The following MRM3 variants were observed in gnomAD, a reference collection of about 807,000 sequenced individuals.
MRM3 encodes the protein rRNA methyltransferase 3, mitochondrial.
Under a neutral mutation model 29.4 loss-of-function variants are expected in MRM3, and 26 were observed. The observed-to-expected ratio is 0.89, with a 90% CI of 0.65 to 1.23. The LOEUF (loss-of-function observed/expected upper bound fraction) is 1.23, where lower values mean the gene tolerates loss of function less well. Among genes scored for constraint, MRM3 ranks in the 50% most tolerant of loss-of-function variants. The probability of loss-of-function intolerance (pLI) is 0.00; values close to 1 mark genes in which losing one functional copy is unlikely to be tolerated. For synonymous variants in MRM3, 225 were observed against 219.0 expected (o/e 1.03, Z -0.24); for missense variants, 578 against 540.2 (o/e 1.07, Z -0.69).
At position 782,694 on chromosome 17, in the gene MRM3, T is replaced by G. The variant is rs772776020; in HGVS notation, c.314+2T>G. On this transcript the variant is annotated splice_donor_variant, in intron 1 of 3. Transcript: ENST00000304478. LOFTEE classifies it high-confidence loss of function. ...TTATCCCGGGGACAGGAGGCTGAGG[T>G]GATGTGGTTCTTGAGCCTGTCGAAT... 1 of 1,595,128 alleles carries G rather than the reference T, an allele frequency of 6.3e-7. No homozygotes were observed. Among genetic ancestry groups the G allele is most frequent in the Non-Finnish European group, 8.6e-7 (1 of 1,166,598 alleles).
intron 3 of MRM3, chr17:789,658 A>G (rs2144527236): frequency 6.6e-6 from 1 of 152,282 alleles, no homozygotes; most frequent in South Asian, 2.1e-4. Flanking sequence ...TTGCTAGAAT[A>G]CGTTTCTGTG....
At chr17:789,076 C>T (rs1910675790) in intron 3 of MRM3, among the ~76,000 whole-genome samples, 1 of 152,194 alleles carries the variant, frequency 6.6e-6, no homozygotes. Flanking sequence ...CCTCCTGCCT[C>T]GGCCTGTCAA....
rs1443455400 is a variant in MRM3, at chr17:787,884, C to G, written c.560-81C>G. ...TATTTTTATGTAACTAAGACCATAT[C>G]AAGATTGATAAGTAAATGAAAAGTC... On this transcript the variant is annotated intron_variant, in intron 2 of 3. Coordinates refer to ENST00000304478, the MANE Select transcript of MRM3 (RefSeq NM_018146.4). The surrounding 1 kb of genome is among the most constrained non-coding windows in gnomAD (Gnocchi z 4.1). 1.5e-6 allele frequency: 2 copies of G among 1,363,118 alleles called. No individual in the cohort carries two copies. The highest frequency in any genetic ancestry group is 2.9e-5 in the African/African-American group (2 of 69,526). The allele number at this position is 1,363,118 out of a possible 1,614,324, so 84.4% of individuals were successfully genotyped here.
At chr17:788,722 C>T (rs1280875493) in intron 3 of MRM3, among the ~76,000 whole-genome samples, 1 of 151,266 alleles carries the variant, frequency 6.6e-6, no homozygotes, top group African/African-American at 2.4e-5. Context: ...GCTGGAATGA[C>T]AGGCATGAAT....
chr17:783,043 T>G (rs1193910633), intron 1 of MRM3, 40 bp from the exon 2 acceptor site: 2 of 1,552,672 alleles, frequency 1.3e-6, no homozygotes, highest in African/African-American at 3.2e-5. Flanking sequence ...AACAAGGATG[T>G]TGATAGTTAC....
At position 788,140 on chromosome 17, in the gene MRM3, C is replaced by T. The variant is rs1910626885; in HGVS notation, c.727+8C>T. The T allele has an allele frequency of 1.2e-6, 2 of 1,613,772 alleles. No individual in the cohort carries two copies. Among genetic ancestry groups the T allele is most frequent in the South Asian group, 2.2e-5 (2 of 91,066 alleles). On this transcript the variant is annotated splice_region_variant and intron_variant, in intron 3 of 3. Coordinates refer to ENST00000304478, the MANE Select transcript of MRM3 (RefSeq NM_018146.4). The stretch of plus-strand genomic sequence containing the variant: ...AAGTGTTACTCACCAAAGGTAAGGA[C>T]ATCAAAGGCCAGGCATAGTGGCTCA...
intron 3 of MRM3, among the ~76,000 whole-genome samples, chr17:791,044 C>T (rs985228974): frequency 1.3e-5 from 2 of 152,216 alleles, no homozygotes; most frequent in Admixed American, 6.5e-5. Context: ...GCTTGCAGTC[C>T]TTAGGCTGCG....
Position 782,962 on chromosome 17 carries a change from A to G in MRM3, c.315-121A>G, listed in dbSNP as rs533521168. ...CTCGGCCTCCCAATGTGCTGGGATT[A>G]CAGGCGTGAGCCACCGCGCCCGGCC... On this transcript the variant is annotated intron_variant, in intron 1 of 3. Transcript: ENST00000304478. 3 of 1,385,086 alleles carry G rather than the reference A, an allele frequency of 2.2e-6. No individual in the cohort carries two copies. In the Admixed American group the frequency reaches 6.9e-5, roughly 32 times the overall value. The allele number at this position is 1,385,086 out of a possible 1,614,324, so 85.8% of individuals were successfully genotyped here. A position where few individuals can be genotyped will look rare whatever the true frequency, so the allele number is the denominator to read the frequency against.
chr17:786,735 T>C (rs1262895761), intron 2 of MRM3, among the ~76,000 whole-genome samples: 1 of 152,152 alleles, frequency 6.6e-6, no homozygotes, highest in African/African-American at 2.4e-5. Context: ...GAGTTCCTGA[T>C]GTGAATAAAC....
At position 792,012 on chromosome 17, in the gene MRM3, GAA is replaced by G; in HGVS notation, c.1209_1210del (p.Arg404ThrfsTer22). Reference sequence around the variant, plus strand: ...CGGCAAGCATCCTGCTTTTCGAAGGGAAAAGACAGCTGCGGGGGAGGGCGGAG... The same window carrying G: ...CGGCAAGCATCCTGCTTTTCGAAGGGAAGACAGCTGCGGGGGAGGGCGGAG... ...MAASILLFEGKRQLRGRAEDL... is the reference protein window; with the variant it reads ...MAASILLFEGXRQLRGRAEDL... On this transcript the variant is annotated frameshift_variant, in exon 4 of 4. Coordinates refer to ENST00000304478, the MANE Select transcript of MRM3 (RefSeq NM_018146.4). LOFTEE classifies it high-confidence loss of function. The G allele has an allele frequency of 6.2e-7, 1 of 1,613,788 alleles. No homozygotes were observed. Among genetic ancestry groups the G allele is most frequent in the Non-Finnish European group, 8.5e-7 (1 of 1,179,986 alleles).
At position 783,099 on chromosome 17, in the gene MRM3, G is replaced by T. The variant is rs1461579890; in HGVS notation, c.331G>T (p.Val111Leu). Reference sequence around the variant, plus strand: ...CATCTACAGCAGTGTAATGACAATAGTAAAGTCCAGGCCATTTCGGGAAAA... The same window carrying T: ...CATCTACAGCAGTGTAATGACAATATTAAAGTCCAGGCCATTTCGGGAAAA... ...DRRLSSVMTI[V>L]KSRPFREKQG... Residue 111 changes from valine to leucine, a missense_variant, in exon 2 of 4, where the codon GTA becomes TTA. By Grantham distance (32) the Val-to-Leu change is conservative. Transcript: ENST00000304478. 2 of 1,612,898 alleles carry T rather than the reference G, an allele frequency of 1.2e-6. No homozygotes were observed.
chr17:785,618 T>C (rs1910495800), intron 2 of MRM3, among the ~76,000 whole-genome samples: 2 of 152,238 alleles, frequency 1.3e-5, no homozygotes, highest in African/African-American at 4.8e-5. Context: ...GCGTGAGGCC[T>C]TGGAAGTGAC....
At chr17:788,303 C>T in intron 3 of MRM3, 171 bp downstream of exon 3, 1 of 609,968 alleles carries the variant, frequency 1.6e-6, no homozygotes, top group Non-Finnish European at 2.8e-6. Context: ...TGGGGTGTGC[C>T]TGTACTCAGT....
At chr17:789,125 A>G (rs1331326297) in intron 3 of MRM3, among the ~76,000 whole-genome samples, 1 of 152,198 alleles carries the variant, frequency 6.6e-6, no homozygotes, top group Non-Finnish European at 1.5e-5. Flanking sequence ...ATACCCAGCC[A>G]TGTTTATTAT....
intron 2 of MRM3, among the ~76,000 whole-genome samples, chr17:786,496 T>C (rs1910541404): frequency 6.6e-6 from 1 of 152,120 alleles, no homozygotes; most frequent in South Asian, 2.1e-4. Context: ...AGGATGATCT[T>C]GATCTCCTAA....
At position 783,219 on chromosome 17, in the gene MRM3, T is replaced by C; in HGVS notation, c.451T>C (p.Tyr151His). The change falls in exon 2 of 4, where the codon TAC becomes CAC. Residue 151 changes from tyrosine to histidine, a missense_variant. Transcript: ENST00000304478. ...PKMFFFSRLE[Y>H]LKELPVDKLK... ...AATGTTCTTCTTTAGCCGTCTAGAA[T>C]ACCTAAAGGAGTTGCCAGTCGATAA... 1 of 1,614,178 alleles carries C rather than the reference T, an allele frequency of 6.2e-7. No homozygotes were observed. The highest frequency in any genetic ancestry group is 8.5e-7 in the Non-Finnish European group (1 of 1,180,020).
intron 3 of MRM3, chr17:790,272 C>T (rs1597597937): frequency 6.6e-6 from 1 of 152,534 alleles, no homozygotes; most frequent in Non-Finnish European, 1.5e-5. Context: ...CCGGGGTTGC[C>T]TCTTGCCTCA....
At chr17:786,249 C>T (rs1016819035) in intron 2 of MRM3, among the ~76,000 whole-genome samples, 8 of 152,074 alleles carry the variant, frequency 5.3e-5, no homozygotes, top group South Asian at 4.2e-4. Context: ...TACAGGCATG[C>T]GCCACCATGC....
rs781324569 is a variant in MRM3, at chr17:791,946, C to A, written c.1140C>A (p.Ile380=). ...AESTGGKRLL[I]PVVPGVDSLN... ...GCACTGGTGGCAAGAGGCTGCTGATCCCCGTTGTGCCTGGTGTGGACAGCC... is the reference window on the plus strand; with the variant it reads ...GCACTGGTGGCAAGAGGCTGCTGATACCCGTTGTGCCTGGTGTGGACAGCC... The change falls in exon 4 of 4, where the codon ATC becomes ATA. Residue 380 remains isoleucine, a synonymous_variant. Coordinates refer to ENST00000304478, the MANE Select transcript of MRM3 (RefSeq NM_018146.4). 1.2e-6 allele frequency: 2 copies of A among 1,614,028 alleles called. No homozygotes were observed. Among genetic ancestry groups the A allele is most frequent in the Non-Finnish European group, 1.7e-6 (2 of 1,180,032 alleles).
Sources: gnomAD v4.1 joint callset for allele counts (sites outside exome capture counted in the v4.1 genomes callset) on GRCh38, gnomAD v4.1.1 for gene constraint, Gnocchi (gnomAD v3.1) non-coding constraint, MANE v1.5 for transcripts, NCBI Gene and HGNC (gene_info 2026-07-23, HGNC 2026-07-21) for gene names.